The following CLEC12B variants were observed in gnomAD, a reference collection of about 807,000 sequenced individuals.
The protein encoded by CLEC12B is macrophage antigen h.
In CLEC12B, 25 loss-of-function variants were observed where a neutral mutation model predicts 36.1. The ratio of observed to expected loss-of-function variants is 0.69; its 90% CI spans 0.50 to 0.97. The LOEUF (loss-of-function observed/expected upper bound fraction) is 0.97, where lower values mean the gene tolerates loss of function less well. CLEC12B is among the 50% of genes least tolerant of loss of function. CLEC12B has a pLI of 0.00. For missense variants in CLEC12B, 325 were observed against 318.4 expected (o/e 1.02, Z -0.16); for synonymous variants, 110 against 108.5 (o/e 1.01, Z -0.09).
chr12:10,012,884 G>A lies in CLEC12B; in HGVS notation c.190+1G>A. 5 of 1,599,400 alleles carry A rather than the reference G, an allele frequency of 3.1e-6. No individual in the cohort carries two copies. The Admixed American group carries it at 5.0e-5, about 16-fold the overall frequency. ...GGGCTGGTGACATTGGGGATGATGTGTAAGTATATCAGCATCAAACCCAAC... is the reference window on the plus strand; with the variant it reads ...GGGCTGGTGACATTGGGGATGATGTATAAGTATATCAGCATCAAACCCAAC... On this transcript the variant is annotated splice_donor_variant, in intron 2 of 5. Coordinates refer to ENST00000338896, the MANE Select transcript of CLEC12B (RefSeq NM_001129998.3). LOFTEE classifies it high-confidence loss of function.
At chr12:10,010,873 C>T (rs1565578078) in intron 1 of CLEC12B, 23 bp downstream of exon 1, 7 of 1,520,744 alleles carry the variant, frequency 4.6e-6, no homozygotes, top group Non-Finnish European at 6.4e-6. Flanking sequence ...AGAAGACCAG[C>T]TGTGTCCTTG....
upstream of CLEC12B, among the ~76,000 whole-genome samples, chr12:10,006,624 G>T (rs1865229492): frequency 6.6e-6 from 1 of 152,108 alleles, no homozygotes; most frequent in Non-Finnish European, 1.5e-5. Context: ...TTTTGGAGAA[G>T]AAAGTTTGTC....
upstream of CLEC12B, among the ~76,000 whole-genome samples, chr12:10,006,820 C>G (rs1279248711): frequency 6.6e-6 from 1 of 151,958 alleles, no homozygotes; most frequent in Non-Finnish European, 1.5e-5. Flanking sequence ...CTTTGGGAGG[C>G]CGAGGGGGAC....
At chr12:10,007,877 C>T (rs2137258532), upstream of CLEC12B, among the ~76,000 whole-genome samples, 1 of 152,162 alleles carries the variant, frequency 6.6e-6, no homozygotes, top group East Asian at 1.9e-4. Context: ...GTAAGTGGTG[C>T]ATGCTGGGTA....
At position 10,015,675 on chromosome 12, in the gene CLEC12B, T is replaced by G. The variant is rs751877923; in HGVS notation, c.628T>G (p.Ser210Ala). The change falls in exon 5 of 6, where the codon TCC (serine) becomes GCC (alanine). Residue 210 changes from serine (S) to alanine (A), a missense_variant. By Grantham distance (99) the Ser-to-Ala change is moderately conservative (BLOSUM62 1). Coordinates refer to ENST00000338896, the MANE Select transcript of CLEC12B (RefSeq NM_001129998.3). ...SFFWLGLSWD[S>A]SGRSWFWEDG... ...CTTTTGGCTGGGATTATCATGGGAC[T>G]CCTCTGGCAGAAGTTGGTTCTGGGA... is the stretch of plus-strand genomic sequence containing the variant. 6.2e-7 allele frequency: 1 copy of G among 1,613,690 alleles called. No individual in the cohort carries two copies. The highest frequency in any genetic ancestry group is 2.2e-5 in the East Asian group (1 of 44,884).
chr12:10,009,541 TTTGA>T (rs1285537283), upstream of CLEC12B, among the ~76,000 whole-genome samples: 2 of 150,322 alleles, frequency 1.3e-5, no homozygotes, highest in Admixed American at 6.7e-5. Context: ...CAAACATTTT[TTTGA>T]TTATTTCATC....
upstream of CLEC12B, among the ~76,000 whole-genome samples, chr12:10,009,111 G>A (rs979413631): frequency 6.6e-6 from 1 of 151,966 alleles, no homozygotes; most frequent in Non-Finnish European, 1.5e-5. Context: ...ACATGGAGGG[G>A]ACAGTAAGGA....
chr12:10,010,914 G>C, intron 1 of CLEC12B, 64 bp downstream of exon 1: 1 of 1,061,592 alleles, frequency 9.4e-7, no homozygotes, highest in Non-Finnish European at 1.4e-6. Flanking sequence ...ATGCTTTGAG[G>C]TGCCAGCTTT....
At position 10,015,393 on chromosome 12, in the gene CLEC12B, G is replaced by GT; in HGVS notation, c.554dup (p.Leu185PhefsTer45). 3.1e-6 allele frequency: 5 copies of GT among 1,611,968 alleles called. No homozygotes were observed. The highest frequency in any genetic ancestry group is 4.2e-6 in the Non-Finnish European group (5 of 1,179,174). On this transcript the variant is annotated frameshift_variant, in exon 4 of 6. Coordinates refer to ENST00000338896, the MANE Select transcript of CLEC12B (RefSeq NM_001129998.3). LOFTEE classifies it high-confidence loss of function. ...AACTCCACCCTAGTGAAGATAGACA[G>GT]TTTGGAAGAAAAGGTAGGATTGAGT...
chr12:10,014,707 CAA>C lies in CLEC12B; in HGVS notation c.377_378del (p.Lys126ThrfsTer15), dbSNP rs765992867. On this transcript the variant is annotated frameshift_variant, in exon 3 of 6. Transcript: ENST00000338896. LOFTEE classifies it high-confidence loss of function. Reference protein sequence around the residue: ...VLKRQEQMAIKLCQELIIHTS... With the variant: ...VLKRQEQMAIXLCQELIIHTS... ...TGAAGAGGCAGGAACAAATGGCCAT[CAA>C]ACTGTGCCAAGAGCTAATCATTCAT... 6.2e-5 allele frequency: 100 copies of C among 1,613,344 alleles called. No homozygotes were observed. The highest frequency in any genetic ancestry group is 5.4e-4 in the South Asian group (49 of 91,054).
At chr12:10,015,822 A>G (rs1865472928) in intron 5 of CLEC12B, 95 bp downstream of exon 5, 2 of 1,584,506 alleles carry the variant, frequency 1.3e-6, no homozygotes, top group Non-Finnish European at 1.7e-6. Flanking sequence ...AGACATAAAA[A>G]GAGGAGTACA....
chr12:10,016,036 G>C, intron 5 of CLEC12B: 1 of 982,160 alleles, frequency 1.0e-6, no homozygotes, highest in Non-Finnish European at 1.2e-6. Flanking sequence ...CCATTTTATA[G>C]GTAGAAATAT....
At chr12:10,007,753 G>A (rs776083126), upstream of CLEC12B, among the ~76,000 whole-genome samples, 1 of 152,236 alleles carries the variant, frequency 6.6e-6, no homozygotes, top group African/African-American at 2.4e-5. Flanking sequence ...TATGCACAGA[G>A]TAGGTAGGGT....
intron 5 of CLEC12B, 52 bp from the exon 6 acceptor site, chr12:10,018,279 G>A (rs1865536309): frequency 8.8e-7 from 1 of 1,131,660 alleles, no homozygotes; most frequent in South Asian, 1.6e-5. Flanking sequence ...GCACTAAATA[G>A]TGATCACGTT....
chr12:10,018,248 T>C, intron 5 of CLEC12B, 83 bp from the exon 6 acceptor site: 1 of 834,126 alleles, frequency 1.2e-6, no homozygotes, highest in South Asian at 2.2e-5. Context: ...TACATGACAT[T>C]GGCTGTAAGA....
In CLEC12B at chr12:10,014,597, C is replaced by A. The variant is rs1565579920; in HGVS notation, c.265C>A (p.Gln89Lys). The change falls in exon 3 of 6, where the codon CAG (glutamine) becomes AAG (lysine). Residue 89 changes from glutamine to lysine, a missense_variant. Gln to Lys is a moderately conservative substitution (Grantham distance 53, BLOSUM62 1). Coordinates refer to ENST00000338896, the MANE Select transcript of CLEC12B (RefSeq NM_001129998.3). ...SQLQKTIQQQ[Q>K]DNLSQQLGNS... ...ACTTCAGAAAACCATCCAACAGCAG[C>A]AGGATAACTTATCCCAGCAACTGGG... 2 of 1,613,808 alleles carry A rather than the reference C, an allele frequency of 1.2e-6. No individual in the cohort carries two copies. The highest frequency in any genetic ancestry group is 2.2e-5 in the South Asian group (2 of 91,070).
At chr12:10,013,887 A>G (rs898899799) in intron 2 of CLEC12B, among the ~76,000 whole-genome samples, 2 of 152,202 alleles carry the variant, frequency 1.3e-5, no homozygotes, top group African/African-American at 4.8e-5. Flanking sequence ...ACAATAATGT[A>G]TATTTAAAAA....
At chr12:10,014,074 T>G (rs1018642636) in intron 2 of CLEC12B, among the ~76,000 whole-genome samples, 2 of 152,168 alleles carry the variant, frequency 1.3e-5, no homozygotes, top group South Asian at 4.1e-4. Flanking sequence ...TGGTCTGATA[T>G]GCCATTAAGA....
chr12:10,012,972 A>C, intron 2 of CLEC12B, 89 bp downstream of exon 2: 1 of 922,430 alleles, frequency 1.1e-6, no homozygotes, highest in South Asian at 1.3e-5. Flanking sequence ...GATGGGTCCT[A>C]GCATCCTGAA....
Sources: gnomAD v4.1 joint callset for allele counts (sites outside exome capture counted in the v4.1 genomes callset) on GRCh38, gnomAD v4.1.1 for gene constraint, MANE v1.5 for transcripts, NCBI Gene and HGNC (gene_info 2026-07-23, HGNC 2026-07-21) for gene names.